MYLK3: variants seen among roughly 807,000 people sequenced by gnomAD.
MYLK3 encodes the protein myosin light chain kinase 3.
Under a neutral mutation model 76.3 loss-of-function variants are expected in MYLK3, and 55 were observed. The observed-to-expected ratio is 0.72, with a 90% CI of 0.58 to 0.90. MYLK3 has a LOEUF of 0.90. Ranked by LOEUF, MYLK3 falls within the 40% of genes least tolerant of loss-of-function variation. The pLI is 0.00. For synonymous variants in MYLK3, 416 were observed against 425.4 expected, an observed-to-expected ratio of 0.98 and a Z score of 0.27; for missense variants, 973 against 1,053.6, an observed-to-expected ratio of 0.92 and a Z score of 1.06.
chr16:46,724,000 G>A (rs1302028929), intron 8 of MYLK3, among the ~76,000 whole-genome samples: 1 of 152,188 alleles, frequency 6.6e-6, no homozygotes, highest in East Asian at 1.9e-4. Flanking sequence ...AGTCAGTCTA[G>A]TGGATATGAA....
intron 1 of MYLK3, among the ~76,000 whole-genome samples, chr16:46,758,452 CTTAT>C (rs1967234888): frequency 6.6e-6 from 1 of 152,154 alleles, no homozygotes; most frequent in Non-Finnish European, 1.5e-5. Context: ...GCTGCCTCTC[CTTAT>C]TTGAGACACA....
intron 1 of MYLK3, among the ~76,000 whole-genome samples, chr16:46,745,391 A>T (rs1967004734): frequency 6.6e-6 from 1 of 152,230 alleles, no homozygotes; most frequent in African/African-American, 2.4e-5. Flanking sequence ...TGCCCAAAAT[A>T]TATTAAGTAA....
rs1366325326 is a variant in MYLK3, at chr16:46,712,708, T to C, written c.2054A>G (p.Asn685Ser). ...TGTGGGGAATGAGACAAACTCATAA[T>C]TGACGACTTCTGGGGCCAGGAACTC... Reference protein sequence around the residue: ...TPEFLAPEVVNYEFVSFPTDM... With the variant: ...TPEFLAPEVVSYEFVSFPTDM... Residue 685 changes from asparagine (N) to serine (S), a missense_variant, in exon 10 of 13, where the codon AAT becomes AGT. By Grantham distance (46) the Asn-to-Ser change is conservative. This residue lies in a region of MYLK3 where 332 missense variants were observed against 416.6 expected (regional missense o/e 0.80). Transcript: ENST00000394809. 6.3e-6 allele frequency: 10 copies of C among 1,597,992 alleles called. No individual in the cohort carries two copies. The highest frequency in any genetic ancestry group is 2.2e-5 in the South Asian group (2 of 89,050).
At position 46,709,408 on chromosome 16, in the gene MYLK3, C is replaced by A. The variant is rs916410563; in HGVS notation, c.2400+131G>T. 56 of 1,018,148 alleles carry A rather than the reference C, an allele frequency of 5.5e-5. No homozygotes were observed. In the African/African-American group the frequency reaches 8.8e-4, roughly 16 times the overall value. The allele number at this position is 1,018,148 out of a possible 1,614,324, so 63.1% of individuals were successfully genotyped here. On this transcript the variant is annotated intron_variant, in intron 12 of 12. Coordinates refer to ENST00000394809, the MANE Select transcript of MYLK3 (RefSeq NM_182493.3). ...CTATACTCCAGCCTGGGCAACAGAG[C>A]AAGACCCTGTCTATAAAAACAAACC...
intron 2 of MYLK3, 60 bp from the exon 3 acceptor site, chr16:46,738,203 T>C (rs905352091): frequency 2.2e-6 from 3 of 1,371,226 alleles, no homozygotes; most frequent in Non-Finnish European, 9.7e-7. Context: ...GCCACAAAGA[T>C]ACTGCAAGGA....
intron 9 of MYLK3, among the ~76,000 whole-genome samples, chr16:46,714,362 G>A (rs1433766385): frequency 6.6e-6 from 1 of 152,184 alleles, no homozygotes; most frequent in Non-Finnish European, 1.5e-5. Flanking sequence ...AGCTTTCAGA[G>A]AGCAGTCTCC....
chr16:46,749,770 T>G (rs746033007), upstream of MYLK3, among the ~76,000 whole-genome samples: 3 of 152,006 alleles, frequency 2.0e-5, no homozygotes, highest in Non-Finnish European at 2.9e-5. Flanking sequence ...CCATTAGAGG[T>G]TTTGCTATGT....
chr16:46,726,721 GAA>G (rs1966842733), intron 8 of MYLK3: 1 of 131,830 alleles, frequency 7.6e-6, no homozygotes, highest in Non-Finnish European at 1.6e-5. Context: ...AAGAAAGAAA[GAA>G]AGAAAGAAAG....
chr16:46,745,223 G>A (rs959197255), intron 1 of MYLK3, among the ~76,000 whole-genome samples: 5 of 152,152 alleles, frequency 3.3e-5, no homozygotes, highest in Non-Finnish European at 7.3e-5. Flanking sequence ...CTTGTGTTCA[G>A]TGACATACAT....
chr16:46,733,116 C>G (rs1004535928), intron 3 of MYLK3, among the ~76,000 whole-genome samples: 1 of 152,216 alleles, frequency 6.6e-6, no homozygotes, highest in Non-Finnish European at 1.5e-5. Flanking sequence ...AATCCCAGTG[C>G]TTTGGGAGGC....
chr16:46,710,791 T>C lies in MYLK3; in HGVS notation c.2115-2A>G. ...AGAAATGGGGACAAGCCACTGAGTC[T>C]ATAGAAGAGAGAAAGGACCATCAGT... is the stretch of plus-strand genomic sequence containing the variant. On this transcript the variant is annotated splice_acceptor_variant, in intron 10 of 12. Coordinates refer to ENST00000394809, the MANE Select transcript of MYLK3 (RefSeq NM_182493.3). LOFTEE classifies it high-confidence loss of function. The C allele has an allele frequency of 1.2e-6, 2 of 1,614,072 alleles. No homozygotes were observed. Among genetic ancestry groups the C allele is most frequent in the Non-Finnish European group, 1.7e-6 (2 of 1,180,020 alleles).
intron 1 of MYLK3, among the ~76,000 whole-genome samples, 190 bp from the exon 2 acceptor site, chr16:46,740,337 A>T (rs1156878418): frequency 2.6e-5 from 4 of 152,036 alleles, no homozygotes; most frequent in Admixed American, 6.6e-5. Context: ...GGCCTTCCCA[A>T]CGTCATAAAA....
intron 11 of MYLK3, among the ~76,000 whole-genome samples, chr16:46,710,133 AAT>A (rs1324366239): frequency 6.6e-6 from 1 of 152,228 alleles, no homozygotes; most frequent in Non-Finnish European, 1.5e-5. Flanking sequence ...AAGTCAGGGA[AAT>A]ACAAGCTGTC....
rs535199262 is a variant in MYLK3 at position 46,728,330 on chromosome 16, G to T, written c.1772+694C>A. On this transcript the variant is annotated intron_variant, in intron 7 of 12. Coordinates refer to ENST00000394809, the MANE Select transcript of MYLK3 (RefSeq NM_182493.3). ...CACTTCCACTTGGAAAGGCAGGCCC[G>T]GCATTTACTACATCTTTTATGTTTT... Among the ~76,000 whole-genome samples, 98 of 152,202 alleles carry T rather than the reference G, an allele frequency of 6.4e-4. 1 individual carries two copies. Among genetic ancestry groups the T allele is most frequent in the South Asian group, 2.1e-3 (10 of 4,828 alleles).
At chr16:46,726,675 GAGAAAGAAAGAAAGAAAGAA>G (rs1204849346) in intron 8 of MYLK3, 16 of 46,550 alleles carry the variant, frequency 3.4e-4, no homozygotes, top group African/African-American at 9.5e-4. Flanking sequence ...AAGAAAGAAA[GAGAAAGAAAGAAAGAAAGAA>G]AGAAAGAAAG....
chr16:46,709,586 T>G lies in MYLK3; in HGVS notation c.2353A>C (p.Lys785Gln). 1 of 1,614,204 alleles carries G rather than the reference T, an allele frequency of 6.2e-7. No homozygotes were observed. The highest frequency in any genetic ancestry group is 1.3e-5 in the African/African-American group (1 of 75,062). ...TATTTCTGCAGCAGTAGTTGGGATTTGAGACGAGTTTTGGATCTTGAAGCT... is the reference window on the plus strand; with the variant it reads ...TATTTCTGCAGCAGTAGTTGGGATTGGAGACGAGTTTTGGATCTTGAAGCT... Reference protein sequence around the residue: ...AKASRSKTRLKSQLLLQKYIA... With the variant: ...AKASRSKTRLQSQLLLQKYIA... The change falls in exon 12 of 13, where the codon AAA (lysine) becomes CAA (glutamine). Residue 785 changes from lysine to glutamine, a missense_variant. Lys to Gln is a moderately conservative substitution (Grantham distance 53, BLOSUM62 1). This residue lies in a region of MYLK3 where 332 missense variants were observed against 416.6 expected (regional missense o/e 0.80). Transcript: ENST00000394809.
exon 1 of MYLK3, chr16:46,763,123 T>A: frequency 1.0e-6 from 1 of 982,878 alleles, no homozygotes; most frequent in Non-Finnish European, 1.2e-6. Flanking sequence ...TATTGTTACC[T>A]CCATCTTATA....
intron 12 of MYLK3, among the ~76,000 whole-genome samples, chr16:46,708,856 G>A (rs182067029): frequency 1.2e-4 from 19 of 152,226 alleles, no homozygotes; most frequent in Non-Finnish European, 7.4e-5. Context: ...AAGTTTAACA[G>A]GCCTTTCTTA....
intron 7 of MYLK3, among the ~76,000 whole-genome samples, chr16:46,728,683 T>C (rs756270470): frequency 1.6e-4 from 25 of 152,242 alleles, no homozygotes; most frequent in Non-Finnish European, 2.8e-4. Flanking sequence ...ATCACACCAC[T>C]GCACTCCAGC....
Sources: allele counts gnomAD v4.1 joint callset (sites outside exome capture counted in the v4.1 genomes callset), GRCh38; gene constraint gnomAD v4.1.1; regional missense constraint gnomAD v4.1.1; transcripts MANE v1.5; gene names NCBI Gene and HGNC (gene_info 2026-07-23, HGNC 2026-07-21).